The following MAPRE3 variants were observed in gnomAD, a reference collection of about 807,000 sequenced individuals.
MAPRE3 encodes microtubule-associated protein RP/EB family member 3.
A neutral mutation model predicts 30.5 loss-of-function variants in MAPRE3; 2 were observed. The ratio of observed to expected loss-of-function variants is 0.07; its 90% confidence interval spans 0.03 to 0.21. The LOEUF (loss-of-function observed/expected upper bound fraction) is 0.21. MAPRE3 is among the 10% of genes least tolerant of loss of function. The pLI is 1.00. For missense variants in MAPRE3, 204 were observed against 351.8 expected (o/e 0.58, Z 3.36); for synonymous variants, 110 against 127.7 (o/e 0.86, Z 0.93).
chr2:27,025,940 A>C lies in MAPRE3; in HGVS notation c.685A>C (p.Lys229Gln), dbSNP rs1667230972. 1 of 1,614,104 alleles carries C rather than the reference A, an allele frequency of 6.2e-7. No individual in the cohort carries two copies. Among genetic ancestry groups the C allele is most frequent in the Non-Finnish European group, 8.5e-7 (1 of 1,180,042 alleles). Residue 229 changes from lysine to glutamine, a missense_variant, in exon 6 of 7, where the codon AAA (lysine) becomes CAA (glutamine). This residue lies in a region of MAPRE3 where 42 missense variants were observed against 81.2 expected (regional missense o/e 0.52). Coordinates refer to ENST00000233121, the MANE Select transcript of MAPRE3 (RefSeq NM_012326.4). ...LEKERDFYFS[K>Q]LRDIELICQE... ...GAAGGAACGTGACTTCTACTTCAGCAAACTTCGTGACATCGAGCTCATCTG... is the reference window on the plus strand; with the variant it reads ...GAAGGAACGTGACTTCTACTTCAGCCAACTTCGTGACATCGAGCTCATCTG...
rs1666211784 is a variant in MAPRE3 at position 26,986,048 on chromosome 2, A to G, written c.-8+15246A>G. On this transcript the variant is annotated intron_variant, in intron 1 of 6. Transcript: ENST00000233121. The surrounding 1 kb of genome is among the most constrained non-coding windows in gnomAD (Gnocchi z 4.2). ...TCATTTGTCACAGTAGGCACAGGAA[A>G]CTAATCCAGTGTGCCAAAATCAAGG... 6.6e-6 allele frequency among the ~76,000 whole-genome samples: 1 copy of G among 152,180 alleles called. No individual in the cohort carries two copies. The highest frequency in any genetic ancestry group is 2.4e-5 in the African/African-American group (1 of 41,448).
intron 1 of MAPRE3, among the ~76,000 whole-genome samples, chr2:26,990,713 A>G (rs569076126): frequency 4.6e-5 from 7 of 152,384 alleles, no homozygotes; most frequent in South Asian, 4.1e-4. Context: ...TTAAATCTAC[A>G]TACTATTTTT....
At position 27,025,641 on chromosome 2, in the gene MAPRE3, C is replaced by A; in HGVS notation, c.528C>A (p.Ser176Arg). 1.2e-6 allele frequency: 2 copies of A among 1,608,582 alleles called. No homozygotes were observed. Among genetic ancestry groups the A allele is most frequent in the Non-Finnish European group, 1.7e-6 (2 of 1,177,282 alleles). ...ACATGCAGACCTCTGGCCGGCTGAG[C>A]AATGTGGCCCCCCCCTGCATTCTCC... The part of the protein sequence containing the change: ...PKNMQTSGRL[S>R]NVAPPCILRK... Residue 176 changes from serine (S) to arginine (R), a missense_variant, in exon 5 of 7, where the codon AGC (serine) becomes AGA (arginine). Physicochemically the swap from Ser to Arg is moderately radical, Grantham distance 110. This residue lies in a region of MAPRE3 where 32 missense variants were observed against 20.7 expected (regional missense o/e 1.55). Coordinates refer to ENST00000233121, the MANE Select transcript of MAPRE3 (RefSeq NM_012326.4).
intron 1 of MAPRE3, among the ~76,000 whole-genome samples, chr2:26,999,190 C>A (rs1666530506): frequency 1.3e-5 from 2 of 152,094 alleles, no homozygotes; most frequent in South Asian, 4.2e-4. Context: ...GGTCTTGATC[C>A]TACAGAATAG....
chr2:27,003,820 A>G (rs1396279006), intron 1 of MAPRE3, among the ~76,000 whole-genome samples: 3 of 152,052 alleles, frequency 2.0e-5, no homozygotes, highest in Non-Finnish European at 4.4e-5. Context: ...TACCGGCCCC[A>G]TGTCAAAGAT....
At chr2:27,022,433 T>A in intron 2 of MAPRE3, 94 bp downstream of exon 2, 1 of 1,481,842 alleles carries the variant, frequency 6.7e-7, no homozygotes, top group Non-Finnish European at 9.2e-7. Flanking sequence ...TATACAGTCA[T>A]GCATGGCTGA....
At chr2:26,973,983 G>A (rs1665967257) in intron 1 of MAPRE3, among the ~76,000 whole-genome samples, 1 of 152,240 alleles carries the variant, frequency 6.6e-6, no homozygotes, top group South Asian at 2.1e-4. Flanking sequence ...AGATGGTATA[G>A]TTTAATGCCC....
intron 1 of MAPRE3, among the ~76,000 whole-genome samples, chr2:27,020,282 A>C (rs901253098): frequency 1.2e-4 from 18 of 152,346 alleles, no homozygotes; most frequent in Middle Eastern, 3.4e-3. Context: ...TGCCTGCGAC[A>C]GGCAGGGAAA....
intron 1 of MAPRE3, among the ~76,000 whole-genome samples, chr2:27,000,530 A>G (rs1446420071): frequency 5.9e-5 from 9 of 152,348 alleles, no homozygotes; most frequent in African/African-American, 2.2e-4. Flanking sequence ...AAAGAGTTAC[A>G]AGGAAAATAA....
intron 1 of MAPRE3, among the ~76,000 whole-genome samples, chr2:27,021,765 C>G (rs1356344900): frequency 2.6e-5 from 4 of 152,214 alleles, no homozygotes; most frequent in South Asian, 2.1e-4. Context: ...TTGCTAGTCC[C>G]TGTGGCTGAA....
intron 1 of MAPRE3, among the ~76,000 whole-genome samples, chr2:26,994,783 G>GTATCTGAGTTAATAATGTCT (rs1298286177): frequency 1.3e-5 from 2 of 149,884 alleles, no homozygotes; most frequent in African/African-American, 2.5e-5. Flanking sequence ...TAACTCATTA[G>GTATCTGAGTTAATAATGTCT]CAGGGATTGG....
intron 1 of MAPRE3, among the ~76,000 whole-genome samples, chr2:26,983,264 G>C (rs911195161): frequency 4.6e-5 from 7 of 152,184 alleles, no homozygotes; most frequent in African/African-American, 1.4e-4. Flanking sequence ...TGGATGACTA[G>C]ATCTTCCAGG....
intron 5 of MAPRE3, 60 bp from the exon 6 acceptor site, chr2:27,025,820 G>A (rs1462714210): frequency 1.2e-6 from 2 of 1,613,482 alleles, no homozygotes; most frequent in Non-Finnish European, 8.5e-7. Context: ...CGAGAGGAGG[G>A]CAGGCAGGGG....
intron 1 of MAPRE3, among the ~76,000 whole-genome samples, chr2:26,972,346 G>A (rs1405101772): frequency 6.6e-6 from 1 of 152,188 alleles, no homozygotes; most frequent in Non-Finnish European, 1.5e-5. Flanking sequence ...GCTCAATCAT[G>A]GCCTATTGGC....
chr2:26,979,454 C>T (rs922148565), intron 1 of MAPRE3, among the ~76,000 whole-genome samples: 1 of 152,166 alleles, frequency 6.6e-6, no homozygotes, highest in Non-Finnish European at 1.5e-5. Context: ...GGCATGGTGG[C>T]ATATACCTAT....
intron 1 of MAPRE3, among the ~76,000 whole-genome samples, chr2:27,004,354 A>G (rs1666674884): frequency 6.6e-6 from 1 of 152,186 alleles, no homozygotes; most frequent in African/African-American, 2.4e-5. Flanking sequence ...TATTTCCCCT[A>G]TCTTTAGCAG....
rs565966364 is a variant in MAPRE3 at position 26,985,462 on chromosome 2, C to T, written c.-8+14660C>T. 2.0e-5 allele frequency among the ~76,000 whole-genome samples: 3 copies of T among 152,282 alleles called. No individual in the cohort carries two copies. Among genetic ancestry groups the T allele is most frequent in the African/African-American group, 7.2e-5 (3 of 41,548 alleles). On this transcript the variant is annotated intron_variant, in intron 1 of 6. Coordinates refer to ENST00000233121, the MANE Select transcript of MAPRE3 (RefSeq NM_012326.4). The surrounding 1 kb of genome is among the most constrained non-coding windows in gnomAD (Gnocchi z 4.2). ...GCAGAAGCAGGCCCTGGAGACCCTC[C>T]CCACTTGCTCAGGTGTGGCCCAGAC...
intron 1 of MAPRE3, among the ~76,000 whole-genome samples, chr2:26,988,617 C>T (rs1256689641): frequency 2.6e-5 from 4 of 152,194 alleles, no homozygotes; most frequent in Non-Finnish European, 5.9e-5. Flanking sequence ...TTAACAGTGA[C>T]AAGAACAGTG....
chr2:27,018,310 T>A (rs1667031436), intron 1 of MAPRE3, among the ~76,000 whole-genome samples: 1 of 152,112 alleles, frequency 6.6e-6, no homozygotes, highest in African/African-American at 2.4e-5. Context: ...TGTGGAACAC[T>A]CCTGCAGAGT....
Sources: gnomAD v4.1 joint callset for allele counts (sites outside exome capture counted in the v4.1 genomes callset) on GRCh38, gnomAD v4.1.1 for gene constraint, gnomAD v4.1.1 regional missense constraint, Gnocchi (gnomAD v3.1) non-coding constraint, MANE v1.5 for transcripts, NCBI Gene and HGNC (gene_info 2026-07-23, HGNC 2026-07-21) for gene names.